Variants in TENM1 observed in about 807,000 individuals in gnomAD.
The protein encoded by TENM1 is teneurin-1.
TENM1 carries 35 observed loss-of-function variants against 174.8 expected under a neutral mutation model. The observed-to-expected ratio is 0.20, with a 90% CI of 0.15 to 0.27. TENM1 has a LOEUF of 0.27. TENM1 is among the 10% of genes least tolerant of loss of function. The probability of loss-of-function intolerance (pLI) is 1.00; values close to 1 mark genes in which losing one functional copy is unlikely to be tolerated. For missense variants in TENM1, 1,633 were observed against 2,130.1 expected, an observed-to-expected ratio of 0.77 and a Z score of 4.59; for synonymous variants, 781 against 798.7, an observed-to-expected ratio of 0.98 and a Z score of 0.37.
At position 124,873,909 on chromosome X, in the gene TENM1, G is replaced by A. The variant is rs184471921; in HGVS notation, c.535+20387C>T. Reference sequence around the variant, plus strand: ...GAGTTAAAACCCCCTGTGCAATTCCGCTTGAGCCACCCAACTTTTCTTCCT... The same window carrying A: ...GAGTTAAAACCCCCTGTGCAATTCCACTTGAGCCACCCAACTTTTCTTCCT... On this transcript the variant is annotated intron_variant, in intron 3 of 31. Transcript: ENST00000422452. Among the ~76,000 whole-genome samples the A allele has an allele frequency of 3.4e-4, 38 of 111,283 alleles. No individual in the cohort carries two copies. In the East Asian group the frequency reaches 0.01, roughly 30 times the overall value.
At chrX:124,472,802 G>C (rs1272691621) in intron 22 of TENM1, among the ~76,000 whole-genome samples, 1 of 111,053 alleles carries the variant, frequency 9.0e-6, no homozygotes, top group African/African-American at 3.3e-5. Flanking sequence ...AATCAGCAAA[G>C]CATGCTAGTC....
At chrX:124,897,415 C>T (rs1274741082) in intron 1 of TENM1, among the ~76,000 whole-genome samples, 1 of 111,361 alleles carries the variant, frequency 9.0e-6, no homozygotes. Flanking sequence ...TAATCCTTAG[C>T]ACATATCAAT....
At chrX:124,703,012 T>C (rs936904439) in intron 5 of TENM1, among the ~76,000 whole-genome samples, 1 of 111,727 alleles carries the variant, frequency 9.0e-6, no homozygotes, top group African/African-American at 3.2e-5. Flanking sequence ...ATAATAATTA[T>C]GATGGTAACA....
intron 1 of TENM1, among the ~76,000 whole-genome samples, chrX:124,901,088 G>A (rs2057655670): frequency 1.8e-5 from 2 of 111,160 alleles, no homozygotes; most frequent in Non-Finnish European, 3.8e-5. Flanking sequence ...CACTATGCCC[G>A]ACTGATGCAT....
the TENM1 span, among the ~76,000 whole-genome samples, chrX:125,012,806 T>C: frequency 1.8e-5 from 2 of 111,944 alleles, no homozygotes; most frequent in African/African-American, 6.5e-5. Context: ...ATACCAAGAA[T>C]GTATGTATAT....
intron 8 of TENM1, among the ~76,000 whole-genome samples, chrX:124,647,644 ATTGTGT>A (rs1235152174): frequency 9.0e-6 from 1 of 111,659 alleles, no homozygotes; most frequent in Non-Finnish European, 1.9e-5. Context: ...GTATTTTAAA[ATTGTGT>A]TTGAGCACAA....
At position 124,695,747 on chromosome X, in the gene TENM1, G is replaced by C. The variant is rs1337017321; in HGVS notation, c.1015+9266C>G. Among the ~76,000 whole-genome samples the C allele has an allele frequency of 1.9e-4, 21 of 111,329 alleles. No homozygotes were observed. The Admixed American group carries it at 2.0e-3, about 11-fold the overall frequency. On this transcript the variant is annotated intron_variant, in intron 5 of 31. Coordinates refer to ENST00000422452, the Ensembl canonical transcript of TENM1. ...CTGGACTCCACAGTCTTCATTTTTT[G>C]AAAGTCTATTTAACTGTGATTGCCC... is the stretch of plus-strand genomic sequence containing the variant.
At chrX:125,037,463 T>C in the TENM1 span, among the ~76,000 whole-genome samples, 1 of 111,089 alleles carries the variant, frequency 9.0e-6, no homozygotes, top group Non-Finnish European at 1.9e-5. Flanking sequence ...ATTTAACCTA[T>C]ACTTTATCTA....
chrX:124,477,314 T>A (rs2046748131), intron 22 of TENM1, among the ~76,000 whole-genome samples: 1 of 112,237 alleles, frequency 8.9e-6, no homozygotes, highest in Non-Finnish European at 1.9e-5. Context: ...CACTACTAGG[T>A]CAGAAAAATC....
the TENM1 span, among the ~76,000 whole-genome samples, chrX:125,135,081 C>T: frequency 2.7e-5 from 3 of 111,474 alleles, no homozygotes; most frequent in African/African-American, 9.8e-5. Flanking sequence ...TATCTGAATT[C>T]ATTTCAGATA....
At chrX:124,520,455 A>G in intron 18 of TENM1, 62 bp downstream of exon 21, 1 of 983,709 alleles carries the variant, frequency 1.0e-6, no homozygotes, top group Non-Finnish European at 1.4e-6. Flanking sequence ...ATTAACATGT[A>G]ACAAGTATTT....
At chrX:125,125,724 G>C in the TENM1 span, among the ~76,000 whole-genome samples, 3 of 111,733 alleles carry the variant, frequency 2.7e-5, no homozygotes, top group Non-Finnish European at 5.6e-5. Flanking sequence ...GTCCCTGTCT[G>C]ATGTAAAGCT....
At chrX:124,418,887 A>G (rs987226153) in intron 25 of TENM1, among the ~76,000 whole-genome samples, 1 of 112,104 alleles carries the variant, frequency 8.9e-6, no homozygotes, top group African/African-American at 3.2e-5. Context: ...GTATATTTAA[A>G]AACACAGGCT....
At chrX:125,055,921 T>C in the TENM1 span, among the ~76,000 whole-genome samples, 1 of 112,034 alleles carries the variant, frequency 8.9e-6, no homozygotes, top group African/African-American at 3.2e-5. Flanking sequence ...TCCAAAACAT[T>C]AGCGTCCTCC....
chrX:124,645,271 C>T, exon 10 of TENM1: 1 of 1,211,691 alleles, frequency 8.3e-7, no homozygotes, highest in Non-Finnish European at 1.1e-6. Context: ...CCCCTTCCAG[C>T]CATGCCGGCA....
intron 1 of TENM1, among the ~76,000 whole-genome samples, chrX:124,925,569 A>C (rs1271432426): frequency 8.9e-6 from 1 of 112,604 alleles, no homozygotes; most frequent in East Asian, 2.8e-4. Context: ...GAAAAAGTAA[A>C]GAAATTAATG....
exon 24 of TENM1, chrX:124,422,320 G>C (rs1412775483): frequency 8.3e-7 from 1 of 1,211,204 alleles, no homozygotes; most frequent in East Asian, 3.0e-5. Flanking sequence ...CAGTCAGTGG[G>C]GGCACCAGCG....
intron 25 of TENM1, among the ~76,000 whole-genome samples, chrX:124,415,454 T>C (rs976550531): frequency 7.2e-5 from 8 of 111,603 alleles, no homozygotes; most frequent in African/African-American, 2.3e-4. Flanking sequence ...ATTCCTCTTT[T>C]ACTGCTACTT....
chrX:124,505,714 T>C (rs1217942321), intron 18 of TENM1, among the ~76,000 whole-genome samples: 2 of 111,441 alleles, frequency 1.8e-5, no homozygotes, highest in Non-Finnish European at 3.8e-5. Flanking sequence ...GTTGTGAGTC[T>C]AATTAAAGTT....
Sources: gnomAD v4.1 joint callset for allele counts (sites outside exome capture counted in the v4.1 genomes callset) on GRCh38, gnomAD v4.1.1 for gene constraint, MANE v1.5 for transcripts, NCBI Gene and HGNC (gene_info 2026-07-23, HGNC 2026-07-21) for gene names.